IFT74: variants seen among roughly 807,000 people sequenced by gnomAD.
IFT74 encodes the protein intraflagellar transport protein 74 homolog.
Under a neutral mutation model 96.7 loss-of-function variants are expected in IFT74, and 92 were observed. That is an observed-to-expected ratio of 0.95 (90% CI 0.80 to 1.13). The LOEUF is 1.13. IFT74 is among the 50% of genes most tolerant of loss of function. The pLI, the probability that IFT74 is intolerant of heterozygous loss-of-function variation, is 0.00. For synonymous variants in IFT74, 223 were observed against 213.2 expected, an observed-to-expected ratio of 1.05 and a Z score of -0.40; for missense variants, 811 against 698.2, an observed-to-expected ratio of 1.16 and a Z score of -1.82.
chr9:26,947,715 A>C (rs1299814921), intron 1 of IFT74, among the ~76,000 whole-genome samples: 2 of 152,216 alleles, frequency 1.3e-5, no homozygotes, highest in African/African-American at 4.8e-5. Flanking sequence ...ATTGGGAACT[A>C]TTAATCATTG....
At chr9:27,000,915 T>G (rs1828449750) in intron 8 of IFT74, among the ~76,000 whole-genome samples, 1 of 152,206 alleles carries the variant, frequency 6.6e-6, no homozygotes. Context: ...TTAAGCAAAC[T>G]GTATGTTTGT....
At chr9:27,060,878 C>T (rs552157755) in intron 19 of IFT74, 57 of 205,054 alleles carry the variant, frequency 2.8e-4, no homozygotes, top group Non-Finnish European at 4.6e-4. Flanking sequence ...AGGAGAATGG[C>T]GTGAAACCGG....
At chr9:27,030,322 G>A (rs1830061760) in intron 13 of IFT74, among the ~76,000 whole-genome samples, 1 of 152,014 alleles carries the variant, frequency 6.6e-6, no homozygotes, top group African/African-American at 2.4e-5. Flanking sequence ...AGACTCTTGG[G>A]TTCAAGTGAT....
chr9:26,964,883 G>C (rs1406566993), intron 2 of IFT74, among the ~76,000 whole-genome samples: 4 of 152,162 alleles, frequency 2.6e-5, no homozygotes, highest in Non-Finnish European at 4.4e-5. Flanking sequence ...TAATATAAGA[G>C]AGTGTGTCAT....
At chr9:26,972,494 AC>A (rs1396277527) in intron 2 of IFT74, among the ~76,000 whole-genome samples, 1 of 152,182 alleles carries the variant, frequency 6.6e-6, no homozygotes, top group African/African-American at 2.4e-5. Flanking sequence ...ATTCACATTA[AC>A]AAAAACGTGA....
intron 1 of IFT74, among the ~76,000 whole-genome samples, chr9:26,949,896 A>C (rs775742545): frequency 2.3e-4 from 35 of 152,334 alleles, no homozygotes; most frequent in Admixed American, 1.2e-3. Context: ...AATTTGAAAA[A>C]TATCTCAAAG....
exon 1 of IFT74, chr9:26,947,143 G>A (rs2131443347): frequency 7.4e-7 from 1 of 1,347,010 alleles, no homozygotes; most frequent in Non-Finnish European, 9.7e-7. Flanking sequence ...AGAAGAGCCT[G>A]CAGGTAAGGG....
intron 8 of IFT74, among the ~76,000 whole-genome samples, chr9:27,002,538 G>A (rs996395767): frequency 1.3e-5 from 2 of 152,172 alleles, no homozygotes; most frequent in Non-Finnish European, 2.9e-5. Flanking sequence ...ACCATTTATT[G>A]AAACAACTAT....
At chr9:26,987,446 A>G (rs1212615787) in intron 6 of IFT74, among the ~76,000 whole-genome samples, 1 of 152,176 alleles carries the variant, frequency 6.6e-6, no homozygotes, top group Non-Finnish European at 1.5e-5. Flanking sequence ...AGTTTTAGTT[A>G]TGCTGGAACA....
intron 8 of IFT74, among the ~76,000 whole-genome samples, chr9:26,999,971 G>A (rs919140200): frequency 6.6e-6 from 1 of 151,986 alleles, no homozygotes; most frequent in Non-Finnish European, 1.5e-5. Flanking sequence ...GGGTCACCAT[G>A]TGTTACTCAG....
At chr9:26,960,331 T>C (rs1826301594) in intron 1 of IFT74, among the ~76,000 whole-genome samples, 1 of 152,208 alleles carries the variant, frequency 6.6e-6, no homozygotes, top group South Asian at 2.1e-4. Flanking sequence ...ATTCTTTGTC[T>C]AGATAAGTAT....
At chr9:26,967,977 C>T (rs144468485) in intron 2 of IFT74, among the ~76,000 whole-genome samples, 1,559 of 151,604 alleles carry the variant, frequency 0.01, 36 homozygotes, top group African/African-American at 0.035. Context: ...TTGTTTAATT[C>T]AGTTTGCTGG....
intron 2 of IFT74, among the ~76,000 whole-genome samples, chr9:26,966,490 A>T (rs185126875): frequency 9.3e-4 from 141 of 152,138 alleles, no homozygotes; most frequent in African/African-American, 3.2e-3. Flanking sequence ...GAAGTTGTCT[A>T]TTCAGACCTT....
intron 3 of IFT74, among the ~76,000 whole-genome samples, chr9:26,979,703 CTTTTTTT>C (rs951706952): frequency 4.2e-4 from 32 of 75,488 alleles, no homozygotes; most frequent in Non-Finnish European, 6.1e-4. Context: ...GGAACACTTT[CTTTTTTT>C]TTTTTTTTTT....
At chr9:26,975,131 G>A (rs569246828) in intron 2 of IFT74, among the ~76,000 whole-genome samples, 2 of 152,284 alleles carry the variant, frequency 1.3e-5, no homozygotes, top group East Asian at 1.9e-4. Context: ...TGAGACCTGA[G>A]GCGGCAGCAG....
intron 2 of IFT74, among the ~76,000 whole-genome samples, chr9:26,974,701 C>T (rs975666397): frequency 6.6e-6 from 1 of 152,074 alleles, no homozygotes; most frequent in Non-Finnish European, 1.5e-5. Flanking sequence ...TACGGTTATG[C>T]TTTTTTTCTC....
chr9:27,004,452 C>T (rs992439290), intron 8 of IFT74, among the ~76,000 whole-genome samples: 1 of 152,100 alleles, frequency 6.6e-6, no homozygotes, highest in East Asian at 1.9e-4. Context: ...TATTTGTGTG[C>T]CTTTTCAGAG....
upstream of IFT74, among the ~76,000 whole-genome samples, chr9:26,953,701 G>A (rs562568397): frequency 1.3e-5 from 2 of 149,742 alleles, no homozygotes; most frequent in African/African-American, 2.5e-5. Flanking sequence ...TGTAGGGGGG[G>A]GGTCTCACTA....
At chr9:27,041,095 A>T (rs879321113) in intron 13 of IFT74, among the ~76,000 whole-genome samples, 1 of 152,108 alleles carries the variant, frequency 6.6e-6, no homozygotes, top group Non-Finnish European at 1.5e-5. Context: ...GCACATACGC[A>T]TTTCTTCTTT....
Sources: allele counts gnomAD v4.1 joint callset (sites outside exome capture counted in the v4.1 genomes callset), GRCh38; gene constraint gnomAD v4.1.1; transcripts MANE v1.5; gene names NCBI Gene and HGNC (gene_info 2026-07-23, HGNC 2026-07-21).